ACVR1: variants seen among roughly 807,000 people sequenced by gnomAD.
ACVR1 encodes activin A receptor type 1.
A neutral mutation model predicts 57.1 loss-of-function variants in ACVR1; 38 were observed. The observed-to-expected ratio is 0.67, with a 90% CI of 0.51 to 0.87. The LOEUF (loss-of-function observed/expected upper bound fraction) is 0.87. Among genes scored for constraint, ACVR1 ranks in the 40% least tolerant of loss-of-function variants. The pLI is 0.00. For missense variants in ACVR1, 463 were observed against 638.2 expected (o/e 0.73, Z 2.96); for synonymous variants, 212 against 228.1 (o/e 0.93, Z 0.63).
In ACVR1 at chr2:157,737,370, T is replaced by C; in HGVS notation, c.*161A>G. Reference sequence around the variant, plus strand: ...GAGCGAGGTTAGGGTGGTTTTGATGTCTCCCCAACACATGGCTGGGTACGA... The same window carrying C: ...GAGCGAGGTTAGGGTGGTTTTGATGCCTCCCCAACACATGGCTGGGTACGA... On this transcript the variant is annotated 3_prime_UTR_variant, in exon 11 of 11. Coordinates refer to ENST00000434821, the MANE Select transcript of ACVR1 (RefSeq NM_001111067.4). 7.6e-6 allele frequency: 7 copies of C among 923,092 alleles called. No homozygotes were observed. The South Asian group carries it at 1.0e-4, about 13-fold the overall frequency. 57.2% of individuals were successfully genotyped at this position (923,092 alleles called of 1,614,324 possible). A position where few individuals can be genotyped will look rare whatever the true frequency, so the allele number is the denominator to read the frequency against.
intron 1 of ACVR1, among the ~76,000 whole-genome samples, chr2:157,824,373 TGGG>T (rs1483138128): frequency 6.6e-6 from 1 of 151,996 alleles, no homozygotes; most frequent in Non-Finnish European, 1.5e-5. Context: ...GAGGCTGAGA[TGGG>T]GGGACTGCTT....
At chr2:157,806,428 C>A (rs1421409308) in intron 2 of ACVR1, among the ~76,000 whole-genome samples, 1 of 152,068 alleles carries the variant, frequency 6.6e-6, no homozygotes, top group Non-Finnish European at 1.5e-5. Flanking sequence ...GTAAACTCAC[C>A]CCTCAAAATA....
At chr2:157,859,275 A>G (rs977718976) in intron 1 of ACVR1, among the ~76,000 whole-genome samples, 13 of 152,286 alleles carry the variant, frequency 8.5e-5, no homozygotes, top group South Asian at 2.1e-4. Context: ...CCTCACTGCT[A>G]TGCTCCCACC....
rs76650631 is a variant in ACVR1, at chr2:157,835,236, G to A, written c.-182-16677C>T. 2.1e-3 allele frequency among the ~76,000 whole-genome samples: 326 copies of A among 152,242 alleles called. 7 individuals are homozygous for A. In the East Asian group the frequency reaches 0.042, roughly 20 times the overall value. On this transcript the variant is annotated intron_variant, in intron 1 of 10. Transcript: ENST00000434821. ...TACACTGTGGTTAAAACCCAGAACT[G>A]AGCCAGTTAGAACTGCGGTCCTGCC...
chr2:157,747,579 G>C (rs1361247366), intron 9 of ACVR1, among the ~76,000 whole-genome samples: 2 of 152,048 alleles, frequency 1.3e-5, no homozygotes, highest in African/African-American at 4.8e-5. Flanking sequence ...TTTAAAAATG[G>C]GTGCATACAG....
intron 9 of ACVR1, among the ~76,000 whole-genome samples, chr2:157,746,048 T>G (rs1219482289): frequency 6.6e-6 from 1 of 152,128 alleles, no homozygotes; most frequent in East Asian, 1.9e-4. Flanking sequence ...CTGGATTCCA[T>G]CACAAAATAA....
intron 2 of ACVR1, among the ~76,000 whole-genome samples, chr2:157,816,523 G>A (rs1687942578): frequency 6.6e-6 from 1 of 152,014 alleles, no homozygotes; most frequent in African/African-American, 2.4e-5. Context: ...CTTGAGCCCA[G>A]GAGTTTGAGG....
chr2:157,761,216 C>T lies in ACVR1; in HGVS notation c.1067-139G>A, dbSNP rs765820520. ...TGTTGCAATACACTCAGAATGATCC[C>T]TAGAATGCCCTTTGTGATTATTTCC... On this transcript the variant is annotated intron_variant, in intron 8 of 10. Transcript: ENST00000434821. 10 of 746,622 alleles carry T rather than the reference C, an allele frequency of 1.3e-5. No individual in the cohort carries two copies. In the Admixed American group the frequency reaches 2.3e-4, roughly 17 times the overall value. 46.2% of individuals were successfully genotyped at this position (746,622 alleles called of 1,614,324 possible).
chr2:157,775,012 C>A (rs1475587614), intron 5 of ACVR1, among the ~76,000 whole-genome samples: 1 of 152,072 alleles, frequency 6.6e-6, no homozygotes, highest in Non-Finnish European at 1.5e-5. Context: ...TAATTAGGAA[C>A]AAACAAACTA....
At chr2:157,783,992 A>C (rs1480309140) in intron 3 of ACVR1, among the ~76,000 whole-genome samples, 3 of 152,232 alleles carry the variant, frequency 2.0e-5, no homozygotes, top group African/African-American at 7.2e-5. Context: ...AGTGGAGTAG[A>C]TGGAAGTATT....
chr2:157,791,111 A>G (rs1256063249), intron 3 of ACVR1, among the ~76,000 whole-genome samples: 1 of 152,190 alleles, frequency 6.6e-6, no homozygotes, highest in African/African-American at 2.4e-5. Flanking sequence ...ACCCAGCTCC[A>G]TGTGGAATGC....
intron 1 of ACVR1, among the ~76,000 whole-genome samples, chr2:157,829,521 T>C (rs567811253): frequency 6.6e-6 from 1 of 152,298 alleles, no homozygotes; most frequent in South Asian, 2.1e-4. Context: ...CTAGCTGGTG[T>C]AGATTTCTTG....
chr2:157,865,552 G>A (rs1395600613), intron 1 of ACVR1, among the ~76,000 whole-genome samples: 2 of 152,134 alleles, frequency 1.3e-5, no homozygotes, highest in South Asian at 2.1e-4. Flanking sequence ...AGCACTTTGG[G>A]AGGCCGAGGC....
chr2:157,774,228 T>G, intron 5 of ACVR1, 41 bp from the exon 6 acceptor site: 1 of 1,517,164 alleles, frequency 6.6e-7, no homozygotes, highest in Non-Finnish European at 9.2e-7. Context: ...GATTGAGCAA[T>G]ATAGCTCCCA....
intron 1 of ACVR1, among the ~76,000 whole-genome samples, chr2:157,864,593 T>C (rs1689849054): frequency 6.6e-6 from 1 of 152,162 alleles, no homozygotes; most frequent in Non-Finnish European, 1.5e-5. Flanking sequence ...AGTTTGACAA[T>C]CAGCAGGAAA....
intron 7 of ACVR1, among the ~76,000 whole-genome samples, chr2:157,767,071 GCCCAGGCT>G (rs1685889331): frequency 6.6e-6 from 1 of 151,786 alleles, no homozygotes; most frequent in Middle Eastern, 3.4e-3. Flanking sequence ...CCCTCTTGTT[GCCCAGGCT>G]GGAGTGCAAT....
rs552649477 is a variant in ACVR1, at chr2:157,787,650, C to T, written c.68-7050G>A. Among the ~76,000 whole-genome samples the T allele has an allele frequency of 6.6e-5, 10 of 152,272 alleles. No individual in the cohort carries two copies. In the South Asian group the frequency reaches 1.2e-3, roughly 19 times the overall value. ...AATGTCTCAGGCTGGAAGCTCTGTT[C>T]GCGCCACAGGAAGAATGGTTGATTC... On this transcript the variant is annotated intron_variant, in intron 3 of 10. Coordinates refer to ENST00000434821, the MANE Select transcript of ACVR1 (RefSeq NM_001111067.4).
chr2:157,755,456 A>T (rs1365071948), intron 9 of ACVR1, among the ~76,000 whole-genome samples: 3 of 152,112 alleles, frequency 2.0e-5, no homozygotes, highest in African/African-American at 7.2e-5. Flanking sequence ...TAGTTCTGCT[A>T]TACACCAACA....
chr2:157,751,994 A>C (rs1559036329), intron 9 of ACVR1, among the ~76,000 whole-genome samples: 1 of 152,222 alleles, frequency 6.6e-6, no homozygotes, highest in Non-Finnish European at 1.5e-5. Context: ...GCAGGAAGCC[A>C]ACCTGCACAA....
Sources: allele counts gnomAD v4.1 joint callset (sites outside exome capture counted in the v4.1 genomes callset), GRCh38; gene constraint gnomAD v4.1.1; transcripts MANE v1.5; gene names NCBI Gene and HGNC (gene_info 2026-07-23, HGNC 2026-07-21).